Variants in LRMDA observed in about 807,000 individuals in gnomAD.
LRMDA encodes leucine rich melanocyte differentiation associated.
Under a neutral mutation model 29.8 loss-of-function variants are expected in LRMDA, and 18 were observed. The observed-to-expected ratio is 0.60, with a 90% CI of 0.42 to 0.90. The LOEUF is 0.90. LRMDA is among the 40% of genes least tolerant of loss of function. LRMDA has a pLI of 0.00. For synonymous variants in LRMDA, 125 were observed against 109.4 expected (o/e 1.14, Z -0.89); for missense variants, 273 against 273.9 (o/e 1.00, Z 0.02).
intron 6 of LRMDA, among the ~76,000 whole-genome samples, chr10:76,405,049 T>C (rs1193178158): frequency 6.6e-6 from 1 of 152,156 alleles, no homozygotes; most frequent in Admixed American, 6.5e-5. Flanking sequence ...GACACCTAGA[T>C]GTTATTAGCT....
chr10:76,290,469 C>T (rs1017008027), intron 5 of LRMDA, among the ~76,000 whole-genome samples: 20 of 125,286 alleles, frequency 1.6e-4, no homozygotes, highest in African/African-American at 5.4e-4. Flanking sequence ...CCCAGGCTGG[C>T]TGGCGTGCAG....
chr10:76,201,069 T>TTTTATTTATTTA (rs57777695), intron 5 of LRMDA, among the ~76,000 whole-genome samples: 25 of 141,244 alleles, frequency 1.8e-4, no homozygotes, highest in East Asian at 4.2e-4. Flanking sequence ...GTATTATTAT[T>TTTTATTTATTTA]TTTATTTATT....
chr10:75,710,053 C>A (rs1842417809), intron 2 of LRMDA, among the ~76,000 whole-genome samples: 1 of 152,212 alleles, frequency 6.6e-6, no homozygotes, highest in Non-Finnish European at 1.5e-5. Context: ...CTGCTTGTCA[C>A]TTTGACCTCT....
At chr10:75,830,978 G>T (rs1404445591) in intron 2 of LRMDA, among the ~76,000 whole-genome samples, 1 of 152,126 alleles carries the variant, frequency 6.6e-6, no homozygotes, top group African/African-American at 2.4e-5. Flanking sequence ...CATTCTAAAT[G>T]GGAGAAATTA....
chr10:76,008,076 A>G (rs1847704505), intron 2 of LRMDA, among the ~76,000 whole-genome samples: 1 of 152,114 alleles, frequency 6.6e-6, no homozygotes, highest in Non-Finnish European at 1.5e-5. Flanking sequence ...AGGTTTCTGC[A>G]GCATTGCCTC....
intron 5 of LRMDA, among the ~76,000 whole-genome samples, chr10:76,128,111 A>G (rs1849918087): frequency 6.6e-6 from 1 of 152,236 alleles, no homozygotes; most frequent in Non-Finnish European, 1.5e-5. Flanking sequence ...TTAATTCTCC[A>G]ATAACTTGCC....
intron 2 of LRMDA, among the ~76,000 whole-genome samples, chr10:75,673,741 G>A (rs778387490): frequency 2.0e-5 from 3 of 152,166 alleles, no homozygotes; most frequent in Non-Finnish European, 2.9e-5. Flanking sequence ...GATGCGACTA[G>A]GGGCTGAGAC....
At chr10:76,178,836 G>C (rs1057177942) in intron 5 of LRMDA, among the ~76,000 whole-genome samples, 1 of 152,208 alleles carries the variant, frequency 6.6e-6, no homozygotes, top group Non-Finnish European at 1.5e-5. Context: ...GAAATACCCA[G>C]TGACACCTCT....
chr10:76,557,296 T>C lies in LRMDA; in HGVS notation c.*8T>C. 1 of 1,602,406 alleles carries C rather than the reference T, an allele frequency of 6.2e-7. No individual in the cohort carries two copies. Among genetic ancestry groups the C allele is most frequent in the Non-Finnish European group, 8.6e-7 (1 of 1,169,320 alleles). On this transcript the variant is annotated 3_prime_UTR_variant, in exon 7 of 7. Transcript: ENST00000611255. ...CGAGATGACCAGCTCTGAAGCCAAC[T>C]TCTGTATACCTTCACCCATTTCATG...
intron 2 of LRMDA, among the ~76,000 whole-genome samples, chr10:75,937,227 CTTATT>C (rs1464506328): frequency 2.0e-5 from 3 of 152,162 alleles, no homozygotes; most frequent in Non-Finnish European, 4.4e-5. Flanking sequence ...TTTTTAAAAT[CTTATT>C]TTATTTATGT....
intron 3 of LRMDA, among the ~76,000 whole-genome samples, chr10:76,038,015 A>C (rs934906555): frequency 3.3e-5 from 5 of 152,150 alleles, no homozygotes; most frequent in African/African-American, 1.2e-4. Context: ...CTCTTTGAAA[A>C]ACTTTGTAGT....
At chr10:75,788,905 T>C (rs1196822924) in intron 2 of LRMDA, among the ~76,000 whole-genome samples, 1 of 152,268 alleles carries the variant, frequency 6.6e-6, no homozygotes, top group Non-Finnish European at 1.5e-5. Flanking sequence ...TTTCAAGTTA[T>C]GCAACAGTCA....
At chr10:76,187,272 A>T (rs1182368764) in intron 5 of LRMDA, among the ~76,000 whole-genome samples, 1 of 152,208 alleles carries the variant, frequency 6.6e-6, no homozygotes, top group African/African-American at 2.4e-5. Flanking sequence ...TAAGGATATT[A>T]AGAAAATGTC....
At chr10:75,637,858 A>T (rs1309640500) in intron 2 of LRMDA, among the ~76,000 whole-genome samples, 1 of 152,080 alleles carries the variant, frequency 6.6e-6, no homozygotes. Context: ...AGGAACCTGG[A>T]CGCTGGAGGC....
At chr10:76,214,378 G>A (rs1291340203) in intron 5 of LRMDA, among the ~76,000 whole-genome samples, 3 of 118,710 alleles carry the variant, frequency 2.5e-5, no homozygotes, top group African/African-American at 3.5e-5. Context: ...CTCCTCTGTC[G>A]CCCAGGCCGG....
intron 2 of LRMDA, among the ~76,000 whole-genome samples, chr10:75,895,063 C>G (rs1204357748): frequency 6.6e-6 from 1 of 152,130 alleles, no homozygotes; most frequent in African/African-American, 2.4e-5. Context: ...TTCAGAAGAA[C>G]TTGAAGTCCT....
intron 5 of LRMDA, among the ~76,000 whole-genome samples, chr10:76,211,954 A>T (rs936529263): frequency 6.6e-6 from 1 of 152,154 alleles, no homozygotes; most frequent in African/African-American, 2.4e-5. Flanking sequence ...GGCCGGCTCA[A>T]GTTGCTGTCT....
intron 2 of LRMDA, among the ~76,000 whole-genome samples, chr10:75,972,755 G>A (rs1041547346): frequency 3.9e-5 from 6 of 152,222 alleles, no homozygotes; most frequent in South Asian, 2.1e-4. Context: ...GTCAGAAGCC[G>A]TCATCTTCTG....
At chr10:76,298,970 G>T (rs1007981668) in intron 5 of LRMDA, among the ~76,000 whole-genome samples, 2 of 152,008 alleles carry the variant, frequency 1.3e-5, no homozygotes, top group East Asian at 1.9e-4. Flanking sequence ...GGGTATTGTT[G>T]GTTGGCCACC....
Sources: gnomAD v4.1 joint callset for allele counts (sites outside exome capture counted in the v4.1 genomes callset) on GRCh38, gnomAD v4.1.1 for gene constraint, MANE v1.5 for transcripts, NCBI Gene and HGNC (gene_info 2026-07-23, HGNC 2026-07-21) for gene names.